Variants in ERAP1 observed in about 807,000 individuals in gnomAD.
ERAP1 encodes endoplasmic reticulum aminopeptidase 1.
ERAP1 carries 86 observed loss-of-function variants against 103.7 expected under a neutral mutation model. The observed-to-expected ratio is 0.83, with a 90% CI of 0.70 to 0.99. The LOEUF (loss-of-function observed/expected upper bound fraction) is 0.99, where lower values mean the gene tolerates loss of function less well. ERAP1 is among the 50% of genes least tolerant of loss of function. The pLI is 0.00. For synonymous variants in ERAP1, 398 were observed against 402.4 expected (o/e 0.99, Z 0.13); for missense variants, 1,009 against 1,128.4 (o/e 0.89, Z 1.52).
the ERAP1 span, among the ~76,000 whole-genome samples, chr5:96,819,511 T>TTG: frequency 2.0e-5 from 3 of 152,004 alleles, no homozygotes; most frequent in South Asian, 4.2e-4. Context: ...GTATGTGTGT[T>TTG]TGTGTGTGTG....
At chr5:96,880,948 G>A in the ERAP1 span, 1 of 158,500 alleles carries the variant, frequency 6.3e-6, no homozygotes, top group African/African-American at 2.4e-5. Flanking sequence ...CAGTTGACTG[G>A]GCAGGGAAGT....
intron 11 of ERAP1, among the ~76,000 whole-genome samples, chr5:96,787,130 A>G (rs1561680251): frequency 6.6e-6 from 1 of 152,182 alleles, no homozygotes; most frequent in Non-Finnish European, 1.5e-5. Flanking sequence ...TTTATTTTCT[A>G]TTTTGCTATA....
chr5:96,892,576 C>T, the ERAP1 span: 3 of 1,099,634 alleles, frequency 2.7e-6, no homozygotes, highest in Non-Finnish European at 3.9e-6. Flanking sequence ...TTAGAGACTA[C>T]TAAACCTAAC....
Position 96,790,616 on chromosome 5 carries a change from C to A in ERAP1, c.1348G>T (p.Glu450Ter). 1.2e-6 allele frequency: 2 copies of A among 1,608,482 alleles called. No individual in the cohort carries two copies. The highest frequency in any genetic ancestry group is 1.1e-5 in the South Asian group (1 of 90,962). ...TTAAATGCGTCAGCACTAAGATACT[C>A]CCTTAGCATATTCAGAATACAAGCT... ...KGACILNMLREYLSADAFKSG... is the reference protein window; with the variant it reads ...KGACILNMLR Residue 450 changes from glutamate to a stop codon, truncating the protein, a stop_gained, in exon 9 of 19, where the codon GAG becomes TAG. Transcript: ENST00000443439. LOFTEE classifies it high-confidence loss of function.
upstream of ERAP1, among the ~76,000 whole-genome samples, chr5:96,813,073 A>G (rs1247038797): frequency 6.6e-6 from 1 of 152,152 alleles, no homozygotes; most frequent in Non-Finnish European, 1.5e-5. Context: ...TCTTACCCCT[A>G]TAAACCTACA....
the ERAP1 span, among the ~76,000 whole-genome samples, chr5:96,863,156 C>T: frequency 2.6e-5 from 4 of 152,228 alleles, no homozygotes; most frequent in East Asian, 1.9e-4. Context: ...CCCCTGCCCC[C>T]ACCTTCACTC....
chr5:96,783,063 T>A lies in ERAP1; in HGVS notation c.2273A>T (p.Asn758Ile), dbSNP rs766054149. Residue 758 changes from asparagine to isoleucine, a missense_variant, in exon 15 of 19, where the codon AAT becomes ATT. By Grantham distance (149) the Asn-to-Ile change is moderately radical. Around this residue, in one of 3 missense-constraint regions of ERAP1, gnomAD observed 611 missense variants for 651.7 expected, o/e 0.94. Transcript: ENST00000443439. ...AGTAAGGACTGACCTCAAGTTTCCA[T>A]TGGATTCCTTCCACTTTCTGAAATA... is the stretch of plus-strand genomic sequence containing the variant. ...EGYFRKWKES[N>I]GNLSLPVDVT... is the part of the protein sequence containing the mutation. 1.9e-6 allele frequency: 3 copies of A among 1,614,238 alleles called. No homozygotes were observed. Among genetic ancestry groups the A allele is most frequent in the Admixed American group, 1.7e-5 (1 of 60,036 alleles).
the ERAP1 span, among the ~76,000 whole-genome samples, chr5:96,911,513 C>G: frequency 2.0e-5 from 3 of 152,138 alleles, no homozygotes; most frequent in African/African-American, 4.8e-5. Flanking sequence ...TATAAAATAA[C>G]TAGACACTAA....
chr5:96,781,793 C>T lies in ERAP1; in HGVS notation c.2347G>A (p.Asp783Asn), dbSNP rs751054707. Residue 783 changes from aspartate to asparagine, a missense_variant, in exon 16 of 19, where the codon GAT becomes AAT. Physicochemically the swap from Asp to Asn is conservative, Grantham distance 23. Transcript: ENST00000443439. ...AACTGATATTTACTATAAAGAAAATCCCAGCCTTCTGTGCTCTGGGCCCCC... is the reference window on the plus strand; with the variant it reads ...AACTGATATTTACTATAAAGAAAATTCCAGCCTTCTGTGCTCTGGGCCCCC... ...AVGAQSTEGWDFLYSKYQFSL... is the reference protein window; with the variant it reads ...AVGAQSTEGWNFLYSKYQFSL... 1.9e-6 allele frequency: 3 copies of T among 1,613,974 alleles called. No homozygotes were observed. The African/African-American group carries it at 4.0e-5, about 22-fold the overall frequency.
At chr5:96,871,573 C>A in the ERAP1 span, among the ~76,000 whole-genome samples, 1 of 152,130 alleles carries the variant, frequency 6.6e-6, no homozygotes, top group Admixed American at 6.5e-5. Context: ...ATTTTGCCAT[C>A]ATTTTTCCTG....
chr5:96,924,183 T>C, the ERAP1 span, among the ~76,000 whole-genome samples: 2 of 152,250 alleles, frequency 1.3e-5, no homozygotes, highest in Non-Finnish European at 2.9e-5. Context: ...TCCTGTGTGC[T>C]TGTCCTGATT....
the ERAP1 span, among the ~76,000 whole-genome samples, chr5:96,839,311 C>G: frequency 1.3e-5 from 2 of 152,196 alleles, no homozygotes; most frequent in Non-Finnish European, 2.9e-5. Context: ...CCCTCCCCAC[C>G]ACCCCCCAGA....
the ERAP1 span, among the ~76,000 whole-genome samples, chr5:96,894,776 G>A: frequency 1.3e-5 from 2 of 152,040 alleles, no homozygotes; most frequent in Non-Finnish European, 2.9e-5. Flanking sequence ...AGCCCTAAAT[G>A]AATTCTTATG....
At chr5:96,765,705 G>C (rs1350482180) in intron 19 of ERAP1, among the ~76,000 whole-genome samples, 3 of 152,134 alleles carry the variant, frequency 2.0e-5, no homozygotes, top group African/African-American at 7.2e-5. Flanking sequence ...TTTTGTATTA[G>C]AAAAGTGAAA....
chr5:96,921,793 T>G, the ERAP1 span, among the ~76,000 whole-genome samples: 1 of 152,222 alleles, frequency 6.6e-6, no homozygotes, highest in Non-Finnish European at 1.5e-5. Flanking sequence ...TATGTCATAT[T>G]TCTTTCTTTC....
the ERAP1 span, among the ~76,000 whole-genome samples, chr5:96,893,357 TCAC>T: frequency 1.6e-4 from 25 of 152,292 alleles, no homozygotes; most frequent in African/African-American, 6.0e-4. Flanking sequence ...TCCTTTATCG[TCAC>T]CACAATAATG....
chr5:96,806,398 G>A (rs1277133570), intron 1 of ERAP1, among the ~76,000 whole-genome samples: 1 of 152,142 alleles, frequency 6.6e-6, no homozygotes, highest in Non-Finnish European at 1.5e-5. Context: ...TAAAGGAATA[G>A]AAGCCAAGGA....
chr5:96,784,708 C>T (rs2150923046), intron 13 of ERAP1: 1 of 153,612 alleles, frequency 6.5e-6, no homozygotes, highest in Non-Finnish European at 1.4e-5. Flanking sequence ...CATCAAAGAC[C>T]CTTTAGGAAG....
At chr5:96,874,180 A>AAGAAAGAAAGAAAGAAAGAGAG in the ERAP1 span, among the ~76,000 whole-genome samples, 77 of 82,246 alleles carry the variant, frequency 9.4e-4, no homozygotes, top group African/African-American at 4.3e-3. Flanking sequence ...GAAAGAAAGA[A>AAGAAAGAAAGAAAGAAAGAGAG]AGAGAGAGAG....
Sources: allele counts gnomAD v4.1 joint callset (sites outside exome capture counted in the v4.1 genomes callset), GRCh38; gene constraint gnomAD v4.1.1; regional missense constraint gnomAD v4.1.1; transcripts MANE v1.5; gene names NCBI Gene and HGNC (gene_info 2026-07-23, HGNC 2026-07-21).